CTNNA2: variants seen among roughly 807,000 people sequenced by gnomAD.
CTNNA2 encodes the protein catenin alpha-2.
Under a neutral mutation model 101.0 loss-of-function variants are expected in CTNNA2, and 42 were observed. That is an observed-to-expected ratio of 0.42 (90% CI 0.32 to 0.54). CTNNA2 has a LOEUF of 0.54. CTNNA2 is among the 20% of genes least tolerant of loss of function. The pLI, the probability that CTNNA2 is intolerant of heterozygous loss-of-function variation, is 0.14. For synonymous variants in CTNNA2, 450 were observed against 456.4 expected, an observed-to-expected ratio of 0.99 and a Z score of 0.18; for missense variants, 871 against 1,223.1, an observed-to-expected ratio of 0.71 and a Z score of 4.29.
intron 6 of CTNNA2, among the ~76,000 whole-genome samples, chr2:79,888,333 C>A (rs910557585): frequency 3.3e-5 from 5 of 152,134 alleles, no homozygotes; most frequent in Non-Finnish European, 5.9e-5. Flanking sequence ...TTTCCAGAAT[C>A]CATCTTTTCT....
intron 2 of CTNNA2, among the ~76,000 whole-genome samples, chr2:79,211,729 T>A (rs981560873): frequency 6.6e-6 from 1 of 152,206 alleles, no homozygotes; most frequent in Non-Finnish European, 1.5e-5. Context: ...TGGGATATGA[T>A]GGCTTAGCTT....
chr2:80,313,344 C>T, intron 7 of CTNNA2: 3 of 1,321,172 alleles, frequency 2.3e-6, no homozygotes, highest in Non-Finnish European at 2.9e-6. Flanking sequence ...TGTTTTTGTT[C>T]ATTTGTTGTA....
At chr2:79,927,970 G>T (rs1452024914) in intron 7 of CTNNA2, among the ~76,000 whole-genome samples, 1 of 152,000 alleles carries the variant, frequency 6.6e-6, no homozygotes, top group Non-Finnish European at 1.5e-5. Context: ...ATAACTTCCA[G>T]GTTGTTATTT....
rs1185969936 is a variant in CTNNA2, at chr2:79,409,675, C to T, written c.-135+35662C>T. Among the ~76,000 whole-genome samples, 3 of 150,276 alleles carry T rather than the reference C, an allele frequency of 2.0e-5. No homozygotes were observed. In the East Asian group the frequency reaches 5.9e-4, roughly 29 times the overall value. ...TTGATCTATATCTCTGTTTTGGTAC[C>T]AGTACCATGCTGTTTTGGTTACTGT... is the stretch of plus-strand genomic sequence containing the variant. On this transcript the variant is annotated intron_variant, in intron 4 of 21. Transcript: ENST00000466387.
At chr2:79,354,194 G>A (rs534133814) in intron 3 of CTNNA2, among the ~76,000 whole-genome samples, 1 of 151,960 alleles carries the variant, frequency 6.6e-6, no homozygotes, top group Admixed American at 6.6e-5. Flanking sequence ...AGGGTTCTCC[G>A]AATTTCTTGA....
intron 9 of CTNNA2, among the ~76,000 whole-genome samples, chr2:80,518,532 C>T (rs1161600722): frequency 6.6e-6 from 1 of 152,124 alleles, no homozygotes; most frequent in Non-Finnish European, 1.5e-5. Context: ...CTGCCTAAAC[C>T]TGGAATTTGG....
intron 7 of CTNNA2, among the ~76,000 whole-genome samples, chr2:80,206,852 T>C (rs372366868): frequency 2.0e-4 from 31 of 152,376 alleles, no homozygotes; most frequent in African/African-American, 7.5e-4. Flanking sequence ...GAGCTCATTC[T>C]TTCATGGCCA....
chr2:80,563,801 A>T (rs1257230931), intron 12 of CTNNA2, among the ~76,000 whole-genome samples: 1 of 152,154 alleles, frequency 6.6e-6, no homozygotes, highest in Non-Finnish European at 1.5e-5. Context: ...TACTCTTATT[A>T]TCTGTGTTAC....
chr2:79,715,194 C>T (rs894150178), intron 2 of CTNNA2, among the ~76,000 whole-genome samples: 20 of 62,460 alleles, frequency 3.2e-4, no homozygotes, highest in Non-Finnish European at 1.9e-4. Context: ...GCAACAAGAG[C>T]AAAATTCCGT....
chr2:79,185,981 A>C (rs1449391950), intron 1 of CTNNA2, among the ~76,000 whole-genome samples: 1 of 152,216 alleles, frequency 6.6e-6, no homozygotes, highest in Non-Finnish European at 1.5e-5. Flanking sequence ...TTGGTAAGTT[A>C]GGAAACTTAA....
chr2:79,536,660 T>C (rs1021049447), intron 1 of CTNNA2, among the ~76,000 whole-genome samples: 92 of 149,174 alleles, frequency 6.2e-4, no homozygotes, highest in Non-Finnish European at 1.2e-3. Flanking sequence ...CCTACTCTAC[T>C]GTCGTCACTT....
intron 3 of CTNNA2, among the ~76,000 whole-genome samples, chr2:79,360,434 T>G (rs986267026): frequency 4.6e-5 from 7 of 152,162 alleles, no homozygotes; most frequent in Admixed American, 4.6e-4. Context: ...GAAAGTGTCA[T>G]GTGGATGAGA....
intron 6 of CTNNA2, among the ~76,000 whole-genome samples, chr2:79,878,742 C>G (rs867837425): frequency 2.6e-5 from 4 of 152,000 alleles, no homozygotes; most frequent in East Asian, 1.9e-4. Flanking sequence ...TCAGATGAGT[C>G]GATTGTAAAA....
intron 3 of CTNNA2, among the ~76,000 whole-genome samples, chr2:79,332,214 T>A (rs1676889041): frequency 6.7e-6 from 1 of 149,964 alleles, no homozygotes; most frequent in African/African-American, 2.5e-5. Context: ...TATGACAGAA[T>A]AAAGGATAGT....
intron 2 of CTNNA2, among the ~76,000 whole-genome samples, chr2:79,290,116 T>C (rs954235233): frequency 8.5e-5 from 13 of 152,206 alleles, no homozygotes; most frequent in Non-Finnish European, 1.9e-4. Flanking sequence ...GTTTACACCG[T>C]AGGCTCTTAA....
intron 7 of CTNNA2, among the ~76,000 whole-genome samples, chr2:80,237,653 A>G (rs1217601676): frequency 6.6e-6 from 1 of 152,292 alleles, no homozygotes; most frequent in South Asian, 2.1e-4. Context: ...AGACACCTGC[A>G]TAGCCCTACC....
chr2:80,076,697 T>C (rs958883622), intron 7 of CTNNA2, among the ~76,000 whole-genome samples: 2 of 152,176 alleles, frequency 1.3e-5, no homozygotes, highest in African/African-American at 2.4e-5. Context: ...GCTAAATAAT[T>C]TTATAAGCCT....
intron 7 of CTNNA2, among the ~76,000 whole-genome samples, chr2:79,941,589 C>T (rs1462937471): frequency 6.6e-6 from 1 of 152,170 alleles, no homozygotes; most frequent in African/African-American, 2.4e-5. Flanking sequence ...GTCTTTAAAC[C>T]ACACGATTGT....
intron 8 of CTNNA2, among the ~76,000 whole-genome samples, chr2:80,401,979 A>G (rs1047157304): frequency 5.8e-4 from 88 of 152,260 alleles, no homozygotes; most frequent in African/African-American, 2.1e-3. Flanking sequence ...CTAAGGGCTC[A>G]TTTTCACAAG....
Sources: allele counts gnomAD v4.1 joint callset (sites outside exome capture counted in the v4.1 genomes callset), GRCh38; gene constraint gnomAD v4.1.1; transcripts MANE v1.5; gene names NCBI Gene and HGNC (gene_info 2026-07-23, HGNC 2026-07-21).